The following TBC1D4 variants were observed in gnomAD, a reference collection of about 807,000 sequenced individuals.
TBC1D4 encodes TBC (Tre-2, BUB2, CDC16) domain-containing protein.
A neutral mutation model predicts 142.5 loss-of-function variants in TBC1D4; 121 were observed. The observed-to-expected ratio is 0.85, with a 90% CI of 0.73 to 0.99. TBC1D4 has a LOEUF of 0.99. TBC1D4 is among the 50% of genes least tolerant of loss of function. TBC1D4 has a pLI of 0.00. For synonymous variants in TBC1D4, 630 were observed against 628.2 expected (o/e 1.00, Z -0.04); for missense variants, 1,475 against 1,606.6 (o/e 0.92, Z 1.40).
chr13:75,391,790 C>T (rs1266987571), intron 1 of TBC1D4, among the ~76,000 whole-genome samples: 1 of 152,192 alleles, frequency 6.6e-6, no homozygotes, highest in Non-Finnish European at 1.5e-5. Context: ...TGCCACTCTC[C>T]CTTACTCAGT....
chr13:75,326,472 C>T (rs778483786), intron 9 of TBC1D4, 49 bp from the exon 10 acceptor site: 64 of 1,586,334 alleles, frequency 4.0e-5, no homozygotes, highest in East Asian at 6.7e-5. Context: ...TGGGTCATGG[C>T]AGACCTGCCA....
chr13:75,336,767 A>G (rs1880249361), intron 8 of TBC1D4, among the ~76,000 whole-genome samples, 154 bp downstream of exon 8: 1 of 152,182 alleles, frequency 6.6e-6, no homozygotes, highest in Admixed American at 6.6e-5. Flanking sequence ...AAAAGAAAAA[A>G]AGATCCTTTT....
chr13:75,358,409 T>G (rs1882233153), intron 3 of TBC1D4, among the ~76,000 whole-genome samples: 1 of 152,232 alleles, frequency 6.6e-6, no homozygotes, highest in Admixed American at 6.5e-5. Context: ...TTACAATATA[T>G]TTCTCCTTAT....
intron 1 of TBC1D4, among the ~76,000 whole-genome samples, chr13:75,457,504 CT>C (rs1887787190): frequency 6.6e-6 from 1 of 152,198 alleles, no homozygotes; most frequent in Non-Finnish European, 1.5e-5. Flanking sequence ...TTGAGAACCC[CT>C]GTGTTAAACT....
chr13:75,375,295 T>G (rs1883434657), intron 1 of TBC1D4, among the ~76,000 whole-genome samples: 1 of 152,332 alleles, frequency 6.6e-6, no homozygotes, highest in African/African-American at 2.4e-5. Context: ...AAATGAGCTC[T>G]TCGTCTCCTC....
rs550514597 is a variant in TBC1D4, at chr13:75,285,694, A to G, written c.*1098T>C. On this transcript the variant is annotated 3_prime_UTR_variant, in exon 21 of 21. Coordinates refer to ENST00000377636, the MANE Select transcript of TBC1D4 (RefSeq NM_014832.5). ...TTTCACAGTTCTCAAAACTTTTCAC[A>G]TAAAAGGGGAAGATTATTAAAGCTT... 5 of 152,776 alleles carry G rather than the reference A, an allele frequency of 3.3e-5. No individual in the cohort carries two copies. Among genetic ancestry groups the G allele is most frequent in the East Asian group, 3.9e-4 (2 of 5,182 alleles). The allele number at this position is 152,776 out of a possible 1,614,324, so 9.5% of individuals were successfully genotyped here.
intron 1 of TBC1D4, among the ~76,000 whole-genome samples, chr13:75,435,554 G>A (rs571542619): frequency 1.3e-5 from 2 of 152,192 alleles, no homozygotes; most frequent in Admixed American, 1.3e-4. Context: ...ACATCACGTT[G>A]TTTCTAGAGG....
In TBC1D4 at chr13:75,286,647, G is replaced by A. The variant is rs546699906; in HGVS notation, c.*145C>T. 2.5e-6 allele frequency: 2 copies of A among 797,638 alleles called. No homozygotes were observed. Among genetic ancestry groups the A allele is most frequent in the South Asian group, 1.6e-5 (1 of 64,032 alleles). 49.4% of individuals were successfully genotyped at this position (797,638 alleles called of 1,614,324 possible). On this transcript the variant is annotated 3_prime_UTR_variant, in exon 21 of 21. Transcript: ENST00000377636. ...GATTGGCATGCTCTGATGAGCACGA[G>A]GTCCACCTGCTGTGACTAGGCGCTC...
intron 1 of TBC1D4, among the ~76,000 whole-genome samples, chr13:75,442,854 G>A (rs1887104955): frequency 6.6e-6 from 1 of 151,840 alleles, no homozygotes; most frequent in Non-Finnish European, 1.5e-5. Flanking sequence ...ACAGAACAGA[G>A]CAGAAAAAGA....
intron 1 of TBC1D4, among the ~76,000 whole-genome samples, chr13:75,410,503 A>T (rs2138395880): frequency 6.6e-6 from 1 of 152,348 alleles, no homozygotes; most frequent in East Asian, 1.9e-4. Context: ...CACGTGCTGT[A>T]TTTGCTGAAG....
At chr13:75,320,867 C>CAAAAAAAAAAAAA (rs148657060) in intron 11 of TBC1D4, among the ~76,000 whole-genome samples, 2 of 84,350 alleles carry the variant, frequency 2.4e-5, no homozygotes, top group Non-Finnish European at 4.5e-5. Context: ...ACTAAAAATA[C>CAAAAAAAAAAAAA]AAAAAAAAAA....
intron 4 of TBC1D4, among the ~76,000 whole-genome samples, chr13:75,352,426 A>G (rs1177329178): frequency 6.6e-6 from 1 of 151,674 alleles, no homozygotes; most frequent in African/African-American, 2.4e-5. Context: ...TTCCCTAAAT[A>G]TTTTGGTCTG....
intron 1 of TBC1D4, among the ~76,000 whole-genome samples, chr13:75,420,184 AGAAGG>A (rs1476124681): frequency 6.6e-6 from 1 of 152,210 alleles, no homozygotes; most frequent in Admixed American, 6.5e-5. Context: ...GCCATCTTCC[AGAAGG>A]GGTGGGGGAC....
intron 1 of TBC1D4, among the ~76,000 whole-genome samples, chr13:75,389,149 T>A (rs1039874522): frequency 6.6e-6 from 1 of 152,354 alleles, no homozygotes; most frequent in African/African-American, 2.4e-5. Context: ...GATTGTTTTT[T>A]AAAAATAACA....
intron 17 of TBC1D4, among the ~76,000 whole-genome samples, chr13:75,297,126 C>T (rs1876014377): frequency 6.6e-6 from 1 of 152,224 alleles, no homozygotes. Context: ...CTGCGGCCTA[C>T]AGCAATGCTG....
chr13:75,327,279 C>G (rs1879343651), intron 9 of TBC1D4, among the ~76,000 whole-genome samples: 1 of 151,852 alleles, frequency 6.6e-6, no homozygotes, highest in Non-Finnish European at 1.5e-5. Flanking sequence ...AAAAAATAGG[C>G]TGCATGTGCC....
chr13:75,476,307 C>T (rs1021023423), intron 1 of TBC1D4, among the ~76,000 whole-genome samples: 5 of 152,162 alleles, frequency 3.3e-5, no homozygotes, highest in African/African-American at 1.2e-4. Flanking sequence ...TACACATAGC[C>T]TCAAGGTAAT....
At chr13:75,389,405 C>CT (rs1438239712) in intron 1 of TBC1D4, among the ~76,000 whole-genome samples, 2 of 152,120 alleles carry the variant, frequency 1.3e-5, no homozygotes, top group East Asian at 1.9e-4. Context: ...ACAACCACAT[C>CT]TTTTTTCTGT....
intron 17 of TBC1D4, 81 bp from the exon 18 acceptor site, chr13:75,295,094 T>A: frequency 7.9e-7 from 1 of 1,269,492 alleles, no homozygotes; most frequent in Non-Finnish European, 1.1e-6. Flanking sequence ...AATTTTATTC[T>A]AATATTTAAT....
Sources: allele counts gnomAD v4.1 joint callset (sites outside exome capture counted in the v4.1 genomes callset), GRCh38; gene constraint gnomAD v4.1.1; transcripts MANE v1.5; gene names NCBI Gene and HGNC (gene_info 2026-07-23, HGNC 2026-07-21).